The following SOX6 variants were observed in gnomAD, a reference collection of about 807,000 sequenced individuals.
SOX6 encodes SRY-box transcription factor 6.
SOX6 carries 11 observed loss-of-function variants against 97.8 expected under a neutral mutation model. The observed-to-expected ratio is 0.11, with a 90% CI of 0.07 to 0.19. The LOEUF (loss-of-function observed/expected upper bound fraction) is 0.19, where lower values mean the gene tolerates loss of function less well. SOX6 is among the 10% of genes least tolerant of loss of function. The probability of loss-of-function intolerance (pLI) is 1.00; values close to 1 mark genes in which losing one functional copy is unlikely to be tolerated. For synonymous variants in SOX6, 360 were observed against 371.4 expected (o/e 0.97, Z 0.35); for missense variants, 810 against 1,039.5 (o/e 0.78, Z 3.04).
chr11:16,413,370 C>G (rs1565137019), intron 1 of SOX6, among the ~76,000 whole-genome samples: 1 of 152,108 alleles, frequency 6.6e-6, no homozygotes, highest in East Asian at 1.9e-4. Flanking sequence ...AGAGCCCTAG[C>G]TACCCATCTC....
At chr11:16,617,992 A>C (rs551307608) in intron 3 of SOX6, among the ~76,000 whole-genome samples, 3 of 152,008 alleles carry the variant, frequency 2.0e-5, no homozygotes, top group East Asian at 3.9e-4. Context: ...CTAGAGCAGA[A>C]CTTTAATATT....
chr11:16,572,123 A>G (rs181021853), intron 4 of SOX6, among the ~76,000 whole-genome samples: 1 of 151,388 alleles, frequency 6.6e-6, no homozygotes, highest in African/African-American at 2.4e-5. Context: ...TTTAAAATAA[A>G]TGTGTCATGG....
intron 4 of SOX6, among the ~76,000 whole-genome samples, chr11:16,594,684 C>CTTTTTTTTGTTTT (rs1848191262): frequency 1.5e-5 from 1 of 68,266 alleles, no homozygotes; most frequent in Non-Finnish European, 2.4e-5. Flanking sequence ...TCGGTTTTTG[C>CTTTTTTTTGTTTT]TTTTTTTTTT....
intron 4 of SOX6, among the ~76,000 whole-genome samples, chr11:16,537,853 G>C (rs1044546421): frequency 3.3e-5 from 5 of 152,192 alleles, no homozygotes; most frequent in African/African-American, 1.2e-4. Context: ...CGTTTGATTG[G>C]TGTACCTGAA....
intron 3 of SOX6, among the ~76,000 whole-genome samples, chr11:16,695,816 C>T (rs551052098): frequency 7.3e-5 from 11 of 151,554 alleles, no homozygotes; most frequent in Admixed American, 4.6e-4. Flanking sequence ...GGTGAGACCC[C>T]GTCTCTACCA....
intron 4 of SOX6, among the ~76,000 whole-genome samples, chr11:16,562,894 C>T (rs1436413339): frequency 6.6e-6 from 1 of 152,168 alleles, no homozygotes; most frequent in Non-Finnish European, 1.5e-5. Flanking sequence ...ATCTGAACTT[C>T]CATATCCATC....
chr11:16,188,075 C>G (rs1228141568), intron 4 of SOX6, among the ~76,000 whole-genome samples: 1 of 151,912 alleles, frequency 6.6e-6, no homozygotes, highest in African/African-American at 2.4e-5. Flanking sequence ...TTATGAGTGG[C>G]CTTATTTTTA....
chr11:16,135,659 C>T (rs115817181), intron 6 of SOX6, among the ~76,000 whole-genome samples: 85 of 152,218 alleles, frequency 5.6e-4, no homozygotes, highest in African/African-American at 2.0e-3. Flanking sequence ...TGTGAAGTTG[C>T]GCCTTATAGG....
intron 3 of SOX6, among the ~76,000 whole-genome samples, chr11:16,241,022 G>C (rs1489931011): frequency 1.3e-5 from 2 of 152,054 alleles, no homozygotes; most frequent in Non-Finnish European, 2.9e-5. Context: ...TCTTTGGAGA[G>C]GGGTGCAAAA....
intron 9 of SOX6, among the ~76,000 whole-genome samples, chr11:16,084,882 G>A (rs1326811059): frequency 6.6e-6 from 1 of 152,122 alleles, no homozygotes; most frequent in East Asian, 1.9e-4. Flanking sequence ...AATCAGGAGG[G>A]TTTGGTTGGA....
intron 4 of SOX6, among the ~76,000 whole-genome samples, chr11:16,201,226 T>C (rs1851928526): frequency 6.6e-6 from 1 of 152,042 alleles, no homozygotes; most frequent in Admixed American, 6.6e-5. Context: ...AATTATTATG[T>C]CAAGAACACA....
At chr11:16,063,496 TTATATATATATATATATA>T (rs66968164) in intron 9 of SOX6, among the ~76,000 whole-genome samples, 465 of 35,640 alleles carry the variant, frequency 0.013, 10 homozygotes, top group East Asian at 0.038. Context: ...TACCATAATT[TTATATATATATATATATA>T]TATATATATA....
chr11:16,360,752 C>T (rs1458245595), upstream of SOX6, among the ~76,000 whole-genome samples: 1 of 152,072 alleles, frequency 6.6e-6, no homozygotes, highest in Non-Finnish European at 1.5e-5. Flanking sequence ...GCCTGTAATC[C>T]CAGGACTTTG....
intron 8 of SOX6, among the ~76,000 whole-genome samples, chr11:16,097,403 C>T (rs1848826539): frequency 6.6e-6 from 1 of 151,750 alleles, no homozygotes; most frequent in African/African-American, 2.4e-5. Flanking sequence ...AGTATTAAGT[C>T]CTAATGTGAT....
At chr11:16,557,148 A>G (rs2133188808) in intron 4 of SOX6, among the ~76,000 whole-genome samples, 1 of 151,944 alleles carries the variant, frequency 6.6e-6, no homozygotes, top group African/African-American at 2.4e-5. Context: ...AACTTCACTT[A>G]AATACTGGAA....
intron 6 of SOX6, among the ~76,000 whole-genome samples, chr11:16,113,998 C>A (rs563639789): frequency 6.6e-6 from 1 of 152,240 alleles, no homozygotes; most frequent in South Asian, 2.1e-4. Context: ...ATAAACTATT[C>A]TATAGTCACT....
chr11:16,570,364 G>A (rs893601431), intron 4 of SOX6, among the ~76,000 whole-genome samples: 3 of 151,528 alleles, frequency 2.0e-5, no homozygotes, highest in Admixed American at 6.6e-5. Flanking sequence ...GGTAAATTTG[G>A]TAGCAATGTC....
intron 1 of SOX6, among the ~76,000 whole-genome samples, chr11:16,438,528 G>C (rs2133083392): frequency 1.3e-5 from 2 of 152,190 alleles, no homozygotes; most frequent in Middle Eastern, 6.8e-3. Context: ...ACCTAGTCAA[G>C]AACTTTCTAT....
rs72866381 is a variant in SOX6 at position 16,140,271 on chromosome 11, G to T, written c.778-28348C>A. 3.7e-3 allele frequency among the ~76,000 whole-genome samples: 570 copies of T among 152,158 alleles called. 2 individuals carry two copies. Among genetic ancestry groups the T allele is most frequent in the Non-Finnish European group, 6.9e-3 (466 of 68,000 alleles). ...CCAACTCAGGAGCCTTCCACAATTG[G>T]TCCTGCTTAATGGCATTTCAACTGA... On this transcript the variant is annotated intron_variant, in intron 6 of 15. Coordinates refer to ENST00000683767, the MANE Select transcript of SOX6 (RefSeq NM_001367873.1).
Sources: allele counts gnomAD v4.1 joint callset (sites outside exome capture counted in the v4.1 genomes callset), GRCh38; gene constraint gnomAD v4.1.1; transcripts MANE v1.5; gene names NCBI Gene and HGNC (gene_info 2026-07-23, HGNC 2026-07-21).